Variants in APBA1 observed in about 807,000 individuals in gnomAD.
APBA1 encodes the protein amyloid beta precursor protein binding family A member 1.
In APBA1, 55 loss-of-function variants were observed where a neutral mutation model predicts 86.6. The observed-to-expected ratio is 0.64, with a 90% CI of 0.51 to 0.80. APBA1 has a LOEUF of 0.80. Ranked by LOEUF, APBA1 falls within the 30% of genes least tolerant of loss-of-function variation. The probability of loss-of-function intolerance (pLI) is 0.00; values close to 1 mark genes in which losing one functional copy is unlikely to be tolerated. For synonymous variants in APBA1, 511 were observed against 493.9 expected (o/e 1.03, Z -0.46); for missense variants, 1,090 against 1,183.0 (o/e 0.92, Z 1.15).
chr9:69,472,310 C>G (rs1022650950), intron 3 of APBA1, among the ~76,000 whole-genome samples: 1 of 152,222 alleles, frequency 6.6e-6, no homozygotes, highest in Non-Finnish European at 1.5e-5. Context: ...GGTCAGCGTT[C>G]TCACAGCACT....
At position 69,471,698 on chromosome 9, in the gene APBA1, G is replaced by A. The variant is rs752781823; in HGVS notation, c.1297-3C>T. ...AATGAAGCCAAGCTTTTTCTTGACT[G>A]TAATAAAGACAAAGAGGTTTCAAAA... On this transcript the variant is annotated splice_polypyrimidine_tract_variant and splice_region_variant and intron_variant, in intron 3 of 12. Coordinates refer to ENST00000265381, the MANE Select transcript of APBA1 (RefSeq NM_001163.4). 6 of 1,612,338 alleles carry A rather than the reference G, an allele frequency of 3.7e-6. No homozygotes were observed. The East Asian group carries it at 1.3e-4, about 36-fold the overall frequency.
chr9:69,570,364 A>G (rs527369150), intron 1 of APBA1, among the ~76,000 whole-genome samples: 36 of 152,322 alleles, frequency 2.4e-4, no homozygotes, highest in African/African-American at 8.7e-4. Flanking sequence ...GAAAATACAA[A>G]GAAGTCACAA....
chr9:69,661,658 G>A (rs1298591253), intron 1 of APBA1, among the ~76,000 whole-genome samples: 2 of 152,138 alleles, frequency 1.3e-5, no homozygotes, highest in Non-Finnish European at 2.9e-5. Flanking sequence ...AGTATTGGGA[G>A]GTGCATGGGT....
At chr9:69,448,446 AG>A (rs1187444812) in intron 10 of APBA1, among the ~76,000 whole-genome samples, 5 of 152,250 alleles carry the variant, frequency 3.3e-5, no homozygotes, top group Admixed American at 3.3e-4. Flanking sequence ...ATAAGATATA[AG>A]AAAAAGAAAT....
At chr9:69,513,349 T>C (rs1425239279) in intron 2 of APBA1, among the ~76,000 whole-genome samples, 5 of 152,232 alleles carry the variant, frequency 3.3e-5, no homozygotes, top group African/African-American at 1.2e-4. Context: ...GGCAATTGGT[T>C]AAGCAGGTCA....
chr9:69,475,767 TC>T (rs1341435659), intron 3 of APBA1, among the ~76,000 whole-genome samples: 4 of 152,238 alleles, frequency 2.6e-5, no homozygotes, highest in African/African-American at 4.8e-5. Flanking sequence ...ATGCAAATGC[TC>T]TGTAATCCAC....
intron 2 of APBA1, among the ~76,000 whole-genome samples, chr9:69,476,684 T>C (rs777303689): frequency 2.8e-4 from 43 of 152,360 alleles, no homozygotes; most frequent in African/African-American, 1.0e-3. Flanking sequence ...CTACAGGCTA[T>C]TGAAAATTCA....
chr9:69,572,426 C>T (rs1837130864), intron 1 of APBA1, among the ~76,000 whole-genome samples: 1 of 152,232 alleles, frequency 6.6e-6, no homozygotes, highest in Admixed American at 6.5e-5. Flanking sequence ...ACTCCTACTC[C>T]TTCCCCAGTC....
intron 1 of APBA1, among the ~76,000 whole-genome samples, chr9:69,636,955 G>GAAAGAAAT (rs1823188533): frequency 6.6e-6 from 1 of 150,470 alleles, no homozygotes; most frequent in Non-Finnish European, 1.5e-5. Context: ...AAGAAAGAAA[G>GAAAGAAAT]AAAGAAAGAA....
chr9:69,485,362 G>A (rs901217438), intron 2 of APBA1, among the ~76,000 whole-genome samples: 1 of 152,036 alleles, frequency 6.6e-6, no homozygotes, highest in African/African-American at 2.4e-5. Context: ...TGCTTTACAA[G>A]ACCTTTGTCC....
intron 1 of APBA1, among the ~76,000 whole-genome samples, chr9:69,537,858 C>T (rs958794169): frequency 1.3e-5 from 2 of 151,668 alleles, no homozygotes; most frequent in East Asian, 3.9e-4. Context: ...CACATTGTTG[C>T]AAATGTTTTC....
chr9:69,462,879 T>C (rs1047914730), intron 5 of APBA1: 2 of 152,158 alleles, frequency 1.3e-5, no homozygotes, highest in African/African-American at 4.8e-5. Flanking sequence ...TCTGACTCAG[T>C]AGGTTTGGGG....
intron 11 of APBA1, 95 bp downstream of exon 11, chr9:69,440,901 G>A: frequency 2.0e-6 from 3 of 1,464,068 alleles, no homozygotes; most frequent in South Asian, 1.3e-5. Context: ...GACTGGAGCT[G>A]TTCCTATTTA....
chr9:69,465,481 GTGGGT>G (rs1835262866), intron 5 of APBA1: 3 of 152,268 alleles, frequency 2.0e-5, no homozygotes, highest in Non-Finnish European at 4.4e-5. Flanking sequence ...TGAGAGGTTT[GTGGGT>G]TGTTGTTTTG....
chr9:69,641,915 G>A (rs550370734), intron 1 of APBA1, among the ~76,000 whole-genome samples: 58 of 152,084 alleles, frequency 3.8e-4, no homozygotes, highest in African/African-American at 1.3e-3. Context: ...GCGTGATCTC[G>A]GCTCACTGCA....
Position 69,450,177 on chromosome 9 carries a change from G to A in APBA1, c.1969-381C>T, listed in dbSNP as rs117791551. ...AGAAATAGCTTTTCAAATTCCATGC[G>A]CAGGTTCCCCCTCCCACAGTGCTTC... On this transcript the variant is annotated intron_variant, in intron 9 of 12. Coordinates refer to ENST00000265381, the MANE Select transcript of APBA1 (RefSeq NM_001163.4). Among the ~76,000 whole-genome samples, 19 of 150,872 alleles carry A rather than the reference G, an allele frequency of 1.3e-4. No homozygotes were observed. The East Asian group carries it at 3.3e-3, about 26-fold the overall frequency.
At chr9:69,512,272 TGAGA>T (rs933857435) in intron 2 of APBA1, among the ~76,000 whole-genome samples, 1 of 152,318 alleles carries the variant, frequency 6.6e-6, no homozygotes, top group African/African-American at 2.4e-5. Flanking sequence ...CTCTCAGTGC[TGAGA>T]GAGTGTTCAG....
rs558114407 is a variant in APBA1 at position 69,439,472 on chromosome 9, CCTAT to C, written c.2301+1520_2301+1523del. On this transcript the variant is annotated intron_variant, in intron 11 of 12. Transcript: ENST00000265381. ...TCCCATATTTCTTGGAGGCTTTGTT[CCTAT>C]CTATCTATCTTTTTATTCTTTTTTC... Among the ~76,000 whole-genome samples, 178 of 151,866 alleles carry C rather than the reference CCTAT, an allele frequency of 1.2e-3. 2 individuals carry two copies. Among genetic ancestry groups the C allele is most frequent in the Non-Finnish European group, 1.6e-3 (108 of 67,942 alleles).
At position 69,428,991 on chromosome 9, in the gene APBA1, T is replaced by C. The variant is rs1361389452; in HGVS notation, c.*2336A>G. ...CCTCTCAAAGTTTACAAGGTTTTTG[T>C]GCAATAGGAATAGAAAGTATATTCT... On this transcript the variant is annotated 3_prime_UTR_variant, in exon 13 of 13. Transcript: ENST00000265381. 6.6e-6 allele frequency: 1 copy of C among 152,232 alleles called. No homozygotes were observed. The highest frequency in any genetic ancestry group is 2.4e-5 in the African/African-American group (1 of 41,450). The allele number at this position is 152,232 out of a possible 1,614,324, so 9.4% of individuals were successfully genotyped here.
Sources: allele counts gnomAD v4.1 joint callset (sites outside exome capture counted in the v4.1 genomes callset), GRCh38; gene constraint gnomAD v4.1.1; transcripts MANE v1.5; gene names NCBI Gene and HGNC (gene_info 2026-07-23, HGNC 2026-07-21).